The following SRGAP1 variants were observed in gnomAD, a reference collection of about 807,000 sequenced individuals.
SRGAP1 encodes the protein SLIT-ROBO Rho GTPase activating protein 1, also known as SLIT-ROBO Rho GTPase-activating protein 1.
In SRGAP1, 43 loss-of-function variants were observed where a neutral mutation model predicts 121.9. The ratio of observed to expected loss-of-function variants is 0.35; its 90% CI spans 0.28 to 0.46. The LOEUF is 0.46. Ranked by LOEUF, SRGAP1 falls within the 20% of genes least tolerant of loss-of-function variation. The pLI, the probability that SRGAP1 is intolerant of heterozygous loss-of-function variation, is 1.00. For synonymous variants in SRGAP1, 447 were observed against 485.4 expected (o/e 0.92, Z 1.04); for missense variants, 1,102 against 1,350.9 (o/e 0.82, Z 2.89).
At chr12:64,019,850 T>G (rs2034500798) in intron 4 of SRGAP1, among the ~76,000 whole-genome samples, 1 of 152,190 alleles carries the variant, frequency 6.6e-6, no homozygotes, top group Non-Finnish European at 1.5e-5. Flanking sequence ...GTACAACTGA[T>G]GATGTAATAG....
At chr12:63,978,496 G>A (rs889253040) in intron 1 of SRGAP1, among the ~76,000 whole-genome samples, 1 of 152,178 alleles carries the variant, frequency 6.6e-6, no homozygotes, top group Non-Finnish European at 1.5e-5. Flanking sequence ...ACTCACTAAA[G>A]TTATGTTTTC....
intron 1 of SRGAP1, among the ~76,000 whole-genome samples, chr12:63,895,790 A>G (rs117116539): frequency 0.015 from 2,311 of 152,348 alleles, 37 homozygotes; most frequent in Middle Eastern, 0.048. Context: ...CTTCGTTAGC[A>G]ACTAAAAAAT....
chr12:63,850,780 C>T (rs1402591057), intron 1 of SRGAP1, among the ~76,000 whole-genome samples: 1 of 152,074 alleles, frequency 6.6e-6, no homozygotes, highest in Non-Finnish European at 1.5e-5. Context: ...TCAATTCAAA[C>T]AACTAACAAA....
At chr12:64,133,325 T>C (rs1436088339) in intron 21 of SRGAP1, among the ~76,000 whole-genome samples, 1 of 152,164 alleles carries the variant, frequency 6.6e-6, no homozygotes, top group African/African-American at 2.4e-5. Context: ...AGCTGCTAAG[T>C]ATGTCTGTGC....
At chr12:63,972,280 T>C (rs186425700) in intron 1 of SRGAP1, among the ~76,000 whole-genome samples, 19 of 152,348 alleles carry the variant, frequency 1.2e-4, no homozygotes, top group Non-Finnish European at 2.6e-4. Flanking sequence ...TAAGGTATTC[T>C]CTTGTGGTAG....
At position 64,161,683 on chromosome 12, in the gene SRGAP1, C is replaced by T. The variant is rs759431742; in HGVS notation, c.*19011C>T. The T allele has an allele frequency of 6.6e-6, 1 of 152,158 alleles. No homozygotes were observed. Among genetic ancestry groups the T allele is most frequent in the Admixed American group, 6.5e-5 (1 of 15,272 alleles). 9.4% of individuals were successfully genotyped at this position (152,158 alleles called of 1,614,324 possible). On this transcript the variant is annotated 3_prime_UTR_variant, in exon 22 of 22. Transcript: ENST00000355086. The stretch of plus-strand genomic sequence containing the variant: ...GCTTTGCTTTCGTTTATGTTACAGG[C>T]TTTCCTAAAATTCCTGGTGATCCTT...
chr12:63,975,766 G>A (rs2033076666), intron 1 of SRGAP1, among the ~76,000 whole-genome samples: 1 of 152,058 alleles, frequency 6.6e-6, no homozygotes. Flanking sequence ...CTTGATAACA[G>A]ATTAAATGGA....
chr12:63,847,321 TAATA>T (rs556185706), intron 1 of SRGAP1, among the ~76,000 whole-genome samples: 71 of 152,108 alleles, frequency 4.7e-4, no homozygotes, highest in African/African-American at 1.5e-3. Context: ...AGACTCTGTC[TAATA>T]AATAAATAAA....
intron 1 of SRGAP1, among the ~76,000 whole-genome samples, chr12:63,867,762 T>G (rs915221089): frequency 2.0e-5 from 3 of 150,770 alleles, no homozygotes; most frequent in African/African-American, 7.3e-5. Context: ...TAGTGACATT[T>G]AAAAAAAAAT....
chr12:64,134,695 T>C (rs1333845057), intron 21 of SRGAP1, among the ~76,000 whole-genome samples: 5 of 152,194 alleles, frequency 3.3e-5, no homozygotes, highest in Non-Finnish European at 7.3e-5. Flanking sequence ...CTCCCCGAGC[T>C]GCAACATTAA....
intron 21 of SRGAP1, among the ~76,000 whole-genome samples, chr12:64,141,872 C>T (rs919567117): frequency 5.9e-5 from 9 of 152,102 alleles, no homozygotes; most frequent in African/African-American, 2.2e-4. Flanking sequence ...TAGCACATAC[C>T]TGTGGTCCCA....
intron 1 of SRGAP1, among the ~76,000 whole-genome samples, chr12:63,963,877 C>G (rs996713535): frequency 6.6e-6 from 1 of 152,112 alleles, no homozygotes; most frequent in African/African-American, 2.4e-5. Context: ...TTAAATCACC[C>G]AGTATACCCA....
chr12:64,157,923 G>C lies in SRGAP1; in HGVS notation c.*15251G>C, dbSNP rs1315675503. The C allele has an allele frequency of 6.6e-6, 1 of 152,208 alleles. No individual in the cohort carries two copies. The highest frequency in any genetic ancestry group is 1.9e-4 in the East Asian group (1 of 5,196). The allele number at this position is 152,208 out of a possible 1,614,324, so 9.4% of individuals were successfully genotyped here. A position where few individuals can be genotyped will look rare whatever the true frequency, so the allele number is the denominator to read the frequency against. Reference sequence around the variant, plus strand: ...CATTTTTTTTGTTGCTGCCACCTTAGTACGTGGCCACCATGAAGAGGAAGA... The same window carrying C: ...CATTTTTTTTGTTGCTGCCACCTTACTACGTGGCCACCATGAAGAGGAAGA... On this transcript the variant is annotated 3_prime_UTR_variant, in exon 22 of 22. Coordinates refer to ENST00000355086, the MANE Select transcript of SRGAP1 (RefSeq NM_020762.4).
chr12:64,060,206 T>TC (rs559765632), intron 6 of SRGAP1, among the ~76,000 whole-genome samples: 68 of 100,210 alleles, frequency 6.8e-4, no homozygotes, highest in Middle Eastern at 5.7e-3. Flanking sequence ...TCTTTTTTTC[T>TC]TTTTTTTTTT....
Position 64,057,208 on chromosome 12 carries a change from T to G in SRGAP1, c.802-5709T>G, listed in dbSNP as rs1412053662. ...TGTACCCATCCCTATCACACAGATG[T>G]GCCATTTTGATCTTTTCATTGCTCA... On this transcript the variant is annotated intron_variant, in intron 6 of 21. Transcript: ENST00000355086. 6.6e-5 allele frequency among the ~76,000 whole-genome samples: 10 copies of G among 152,224 alleles called. No individual in the cohort carries two copies. The East Asian group carries it at 1.9e-3, about 29-fold the overall frequency.
At chr12:63,868,846 G>A (rs1015630711) in intron 1 of SRGAP1, among the ~76,000 whole-genome samples, 4 of 152,180 alleles carry the variant, frequency 2.6e-5, no homozygotes, top group African/African-American at 9.7e-5. Flanking sequence ...TGGCTTCTCT[G>A]TTGAGAAGAT....
chr12:63,909,877 A>T (rs1592937526), intron 1 of SRGAP1, among the ~76,000 whole-genome samples: 1 of 152,148 alleles, frequency 6.6e-6, no homozygotes, highest in Non-Finnish European at 1.5e-5. Flanking sequence ...TCTTTAGGAA[A>T]CCTGAGTTTT....
intron 8 of SRGAP1, among the ~76,000 whole-genome samples, chr12:64,067,407 C>T (rs1345832121): frequency 1.3e-5 from 2 of 152,030 alleles, no homozygotes; most frequent in African/African-American, 2.4e-5. Context: ...AGGACCCTGT[C>T]TCTTAAAAAT....
intron 3 of SRGAP1, among the ~76,000 whole-genome samples, chr12:63,993,679 G>T (rs1260347858): frequency 2.0e-5 from 3 of 152,084 alleles, no homozygotes; most frequent in Non-Finnish European, 4.4e-5. Flanking sequence ...GTCTGATAAG[G>T]AGTTTGGAGC....
Sources: gnomAD v4.1 joint callset for allele counts (sites outside exome capture counted in the v4.1 genomes callset) on GRCh38, gnomAD v4.1.1 for gene constraint, MANE v1.5 for transcripts, NCBI Gene and HGNC (gene_info 2026-07-23, HGNC 2026-07-21) for gene names.